Variants in TLK1 observed in about 807,000 individuals in gnomAD.
The protein encoded by TLK1 is tousled like kinase 1, also known as serine/threonine-protein kinase tousled-like 1.
Under a neutral mutation model 105.3 loss-of-function variants are expected in TLK1, and 24 were observed. The ratio of observed to expected loss-of-function variants is 0.23; its 90% CI spans 0.17 to 0.32. The LOEUF is 0.32. Among genes scored for constraint, TLK1 ranks in the 10% least tolerant of loss-of-function variants. The pLI is 1.00. For missense variants in TLK1, 558 were observed against 910.5 expected, an observed-to-expected ratio of 0.61 and a Z score of 4.98; for synonymous variants, 321 against 310.4, an observed-to-expected ratio of 1.03 and a Z score of -0.36.
intron 11 of TLK1, among the ~76,000 whole-genome samples, chr2:171,032,765 A>G (rs1686104426): frequency 2.0e-5 from 3 of 152,216 alleles, no homozygotes; most frequent in African/African-American, 7.2e-5. Flanking sequence ...CCACTCAATG[A>G]GGAAAGAATA....
At chr2:171,227,245 A>T (rs1693914551) in intron 1 of TLK1, among the ~76,000 whole-genome samples, 1 of 152,192 alleles carries the variant, frequency 6.6e-6, no homozygotes, top group South Asian at 2.1e-4. Context: ...GCCCTGGCTA[A>T]TTTATCTCCT....
intron 1 of TLK1, among the ~76,000 whole-genome samples, chr2:171,173,740 C>A (rs1239407223): frequency 6.6e-6 from 1 of 152,120 alleles, no homozygotes; most frequent in African/African-American, 2.4e-5. Context: ...TTCTCCTGAG[C>A]TCCAGGAGGT....
chr2:171,009,446 G>A (rs1335925381), intron 14 of TLK1, among the ~76,000 whole-genome samples: 2 of 151,876 alleles, frequency 1.3e-5, no homozygotes, highest in African/African-American at 4.8e-5. Flanking sequence ...TGGAACTACA[G>A]GCATGTGCCA....
At chr2:171,060,763 T>C (rs1339428396) in intron 4 of TLK1, among the ~76,000 whole-genome samples, 3 of 152,138 alleles carry the variant, frequency 2.0e-5, no homozygotes, top group African/African-American at 7.2e-5. Context: ...GTTTGAGTAG[T>C]TCTGTTAAAG....
intron 1 of TLK1, among the ~76,000 whole-genome samples, chr2:171,146,763 CTG>C (rs1691807916): frequency 1.3e-5 from 2 of 152,222 alleles, no homozygotes; most frequent in Admixed American, 6.5e-5. Flanking sequence ...TTCACAACCT[CTG>C]TGGCAGAAAT....
intron 1 of TLK1, among the ~76,000 whole-genome samples, chr2:171,212,774 C>G (rs1421686207): frequency 1.3e-5 from 2 of 152,086 alleles, no homozygotes; most frequent in Non-Finnish European, 2.9e-5. Flanking sequence ...CAGTCAGAGC[C>G]CCTGTTAATC....
chr2:171,034,565 G>C (rs1013902326), intron 11 of TLK1, among the ~76,000 whole-genome samples: 4 of 152,166 alleles, frequency 2.6e-5, no homozygotes, highest in African/African-American at 9.7e-5. Context: ...CCGATTATTT[G>C]CTACTGGAGG....
chr2:171,104,756 C>A (rs1188272483), intron 2 of TLK1, among the ~76,000 whole-genome samples: 2 of 152,154 alleles, frequency 1.3e-5, no homozygotes, highest in African/African-American at 4.8e-5. Flanking sequence ...CTGCTCCCAG[C>A]CAGGGATTGC....
intron 1 of TLK1, among the ~76,000 whole-genome samples, chr2:171,118,516 C>CCA (rs1690525855): frequency 6.6e-6 from 1 of 152,064 alleles, no homozygotes; most frequent in Admixed American, 6.5e-5. Flanking sequence ...AACACGTTTA[C>CCA]CACACACACA....
At chr2:171,146,965 A>C (rs976741741) in intron 1 of TLK1, among the ~76,000 whole-genome samples, 1 of 152,190 alleles carries the variant, frequency 6.6e-6, no homozygotes, top group Non-Finnish European at 1.5e-5. Context: ...TCTACTACTA[A>C]TAAATCTGTT....
upstream of TLK1, chr2:171,160,985 G>A (rs1692477263): frequency 5.3e-6 from 1 of 190,312 alleles, no homozygotes; most frequent in Non-Finnish European, 1.0e-5. This position sits in a 1 kb window ranked among gnomAD's most constrained non-coding sequence, Gnocchi z 4.4. Context: ...GGCGGCGGCG[G>A]CGGCAGCGGC....
chr2:171,199,561 G>A (rs1174396672), intron 1 of TLK1, among the ~76,000 whole-genome samples: 1 of 151,892 alleles, frequency 6.6e-6, no homozygotes, highest in Non-Finnish European at 1.5e-5. Flanking sequence ...GTCTGTCTGA[G>A]CCTCTGAGCC....
intron 1 of TLK1, among the ~76,000 whole-genome samples, chr2:171,215,549 A>G (rs1006606907): frequency 1.3e-5 from 2 of 152,228 alleles, no homozygotes; most frequent in African/African-American, 4.8e-5. Flanking sequence ...GATAGAGCCT[A>G]CAGGTCATTT....
At chr2:170,994,622 C>T (rs910084695) in intron 20 of TLK1, 10 of 504,362 alleles carry the variant, frequency 2.0e-5, no homozygotes, top group Non-Finnish European at 3.9e-5. Flanking sequence ...AAAGTAAATA[C>T]ATCTATGTAA....
At chr2:171,034,989 TTTCCCATGCTG>T (rs1366666936) in intron 11 of TLK1, among the ~76,000 whole-genome samples, 1 of 152,094 alleles carries the variant, frequency 6.6e-6, no homozygotes, top group Non-Finnish European at 1.5e-5. Context: ...GGGGCAGGTC[TTTCCCATGCTG>T]TTCTCATGAT....
chr2:171,160,031 A>T lies in TLK1; in HGVS notation c.139+259T>A, dbSNP rs149660581. 2.2e-3 allele frequency among the ~76,000 whole-genome samples: 342 copies of T among 152,090 alleles called. No individual in the cohort carries two copies. Among genetic ancestry groups the T allele is most frequent in the Non-Finnish European group, 3.7e-3 (252 of 67,960 alleles). On this transcript the variant is annotated intron_variant, in intron 1 of 20. Transcript: ENST00000431350. This position sits in a 1 kb window ranked among gnomAD's most constrained non-coding sequence, Gnocchi z 4.4. ...GACTGGCTCCCAGGAACCCCAGGCG[A>T]GTCTATGCGCCTCGCCCCGTCCCCA...
chr2:171,035,550 T>G (rs1177768742), intron 11 of TLK1, among the ~76,000 whole-genome samples: 1 of 152,146 alleles, frequency 6.6e-6, no homozygotes, highest in Non-Finnish European at 1.5e-5. Context: ...ACTAATACAA[T>G]GACTTACATA....
intron 1 of TLK1, among the ~76,000 whole-genome samples, chr2:171,216,491 C>CA (rs954675165): frequency 2.6e-5 from 4 of 151,754 alleles, no homozygotes; most frequent in Non-Finnish European, 4.4e-5. Context: ...CAAAACAAAA[C>CA]AAAAAAACAG....
chr2:171,008,176 G>A (rs1002927432), intron 14 of TLK1, among the ~76,000 whole-genome samples: 2 of 152,066 alleles, frequency 1.3e-5, no homozygotes, highest in Middle Eastern at 3.2e-3. Context: ...ATAGCACACA[G>A]TTGTTAAGAA....
Sources: gnomAD v4.1 joint callset for allele counts (sites outside exome capture counted in the v4.1 genomes callset) on GRCh38, gnomAD v4.1.1 for gene constraint, Gnocchi (gnomAD v3.1) non-coding constraint, MANE v1.5 for transcripts, NCBI Gene and HGNC (gene_info 2026-07-23, HGNC 2026-07-21) for gene names.